The following PVT1 variants were observed in gnomAD, a reference collection of about 807,000 sequenced individuals.
PVT1 encodes the protein CXCR4/PVT1 fusion.
At chr8:127,981,496 T>A (rs1816883092) in intron 3 of PVT1, among the ~76,000 whole-genome samples, 1 of 152,210 alleles carries the variant, frequency 6.6e-6, no homozygotes, top group Non-Finnish European at 1.5e-5. Context: ...AACAATGGCT[T>A]TGATGTTCTG....
chr8:128,055,050 G>C (rs1423439839), intron 4 of PVT1, among the ~76,000 whole-genome samples: 2 of 152,178 alleles, frequency 1.3e-5, no homozygotes, highest in East Asian at 1.9e-4. Flanking sequence ...CAACATCAAG[G>C]CTTCTCTGGA....
At chr8:127,882,957 ACTGGTCCCTTCTGCAAGAG>A (rs1161399288) in intron 2 of PVT1, among the ~76,000 whole-genome samples, 2 of 152,052 alleles carry the variant, frequency 1.3e-5, no homozygotes, top group Non-Finnish European at 2.9e-5. Context: ...TAACAACATG[ACTGGTCCCTTCTGCAAGAG>A]AGGGAAAGAG....
intron 4 of PVT1, among the ~76,000 whole-genome samples, chr8:127,996,409 A>G (rs13439471): frequency 0.013 from 1,904 of 151,706 alleles, 34 homozygotes; most frequent in African/African-American, 0.044. Context: ...CAATGGGGGC[A>G]TACCCATTAT....
intron 3 of PVT1, among the ~76,000 whole-genome samples, chr8:127,982,595 A>G (rs1218877482): frequency 6.6e-6 from 1 of 151,934 alleles, no homozygotes; most frequent in Non-Finnish European, 1.5e-5. Context: ...GGATGGCTTG[A>G]GCTCAAGAGT....
chr8:128,030,213 G>T (rs991026108), intron 4 of PVT1, among the ~76,000 whole-genome samples: 1 of 152,114 alleles, frequency 6.6e-6, no homozygotes, highest in Non-Finnish European at 1.5e-5. Context: ...CACTAGAATT[G>T]CTAGTTTATT....
At chr8:127,831,984 C>T (rs558046892) in intron 2 of PVT1, among the ~76,000 whole-genome samples, 1 of 152,322 alleles carries the variant, frequency 6.6e-6, no homozygotes, top group African/African-American at 2.4e-5. Flanking sequence ...TACCCATTAG[C>T]TCATTTGATT....
intron 3 of PVT1, among the ~76,000 whole-genome samples, chr8:127,938,470 G>A (rs1372407838): frequency 6.6e-6 from 1 of 152,184 alleles, no homozygotes; most frequent in Non-Finnish European, 1.5e-5. Context: ...GCCTTGAGGG[G>A]CTGCTGATAG....
Position 128,098,994 on chromosome 8 carries a change from C to T in PVT1, n.1251+2340C>T, listed in dbSNP as rs140330117. ...TTCTGGACTTTTCCCATTAATTTCA[C>T]GAAAGTTATCTTCCTTTGCCCTTAC... On this transcript the variant is annotated intron_variant and non_coding_transcript_variant, in intron 6 of 10. Coordinates refer to ENST00000651587, the Ensembl canonical transcript of PVT1. 7.2e-5 allele frequency among the ~76,000 whole-genome samples: 11 copies of T among 152,312 alleles called. No individual in the cohort carries two copies. The East Asian group carries it at 1.2e-3, about 16-fold the overall frequency.
At chr8:127,977,920 G>A (rs1169423404) in intron 3 of PVT1, among the ~76,000 whole-genome samples, 2 of 152,178 alleles carry the variant, frequency 1.3e-5, no homozygotes, top group African/African-American at 4.8e-5. Context: ...ACCCACGTCC[G>A]TGGTGATGGG....
intron 2 of PVT1, among the ~76,000 whole-genome samples, chr8:127,861,788 A>G (rs1258716943): frequency 6.6e-6 from 1 of 152,194 alleles, no homozygotes; most frequent in Non-Finnish European, 1.5e-5. Context: ...AGTACCAGGC[A>G]CAGAGCAGGT....
At chr8:127,850,396 C>G (rs1008442828) in intron 2 of PVT1, among the ~76,000 whole-genome samples, 1 of 152,188 alleles carries the variant, frequency 6.6e-6, no homozygotes, top group Non-Finnish European at 1.5e-5. Flanking sequence ...CCACCAGCAT[C>G]TGTTGGGGGC....
intron 3 of PVT1, among the ~76,000 whole-genome samples, chr8:127,905,670 A>C (rs578021381): frequency 6.6e-6 from 1 of 152,026 alleles, no homozygotes; most frequent in Admixed American, 6.6e-5. Context: ...TTCTTCTGTC[A>C]TTTTACATGA....
intron 5 of PVT1, among the ~76,000 whole-genome samples, chr8:128,076,875 G>A (rs958313532): frequency 1.3e-5 from 2 of 152,216 alleles, no homozygotes; most frequent in African/African-American, 2.4e-5. Flanking sequence ...CACATGCTAA[G>A]CCCTTCAGGG....
At chr8:128,022,201 C>T (rs1310908807) in intron 4 of PVT1, among the ~76,000 whole-genome samples, 1 of 152,166 alleles carries the variant, frequency 6.6e-6, no homozygotes, top group Non-Finnish European at 1.5e-5. Flanking sequence ...ACAATGTGCT[C>T]TCCTTATCCC....
chr8:128,035,079 G>A (rs2173537), intron 4 of PVT1, among the ~76,000 whole-genome samples: 28,409 of 152,068 alleles, frequency 0.19, 2,760 homozygotes, highest in Admixed American at 0.27. Flanking sequence ...AAGCATTTGT[G>A]GCAAGGATCC....
intron 2 of PVT1, among the ~76,000 whole-genome samples, chr8:127,859,307 G>T (rs1815194662): frequency 6.6e-6 from 1 of 152,080 alleles, no homozygotes; most frequent in Non-Finnish European, 1.5e-5. Context: ...TGCGAGGCAG[G>T]TGAAGAAAGA....
intron 5 of PVT1, among the ~76,000 whole-genome samples, chr8:128,073,126 C>G (rs1814019038): frequency 6.6e-6 from 1 of 152,064 alleles, no homozygotes; most frequent in Admixed American, 6.5e-5. Context: ...AACCACCGCA[C>G]CCGGCCCACC....
intron 4 of PVT1, among the ~76,000 whole-genome samples, chr8:128,012,193 G>T (rs1200252108): frequency 6.6e-6 from 1 of 152,146 alleles, no homozygotes; most frequent in Non-Finnish European, 1.5e-5. Flanking sequence ...AGCTATTGTG[G>T]TACCTTGGTT....
At chr8:127,920,950 T>C (rs994384910) in intron 3 of PVT1, among the ~76,000 whole-genome samples, 2 of 152,186 alleles carry the variant, frequency 1.3e-5, no homozygotes, top group African/African-American at 4.8e-5. Context: ...CTAGTCAGCG[T>C]GCCAAAAAAA....
Sources: allele counts gnomAD v4.1 joint callset (sites outside exome capture counted in the v4.1 genomes callset), GRCh38; gene constraint gnomAD v4.1.1; transcripts MANE v1.5; gene names NCBI Gene and HGNC (gene_info 2026-07-23, HGNC 2026-07-21).